The following LRRC28 variants were observed in gnomAD, a reference collection of about 807,000 sequenced individuals.
The protein encoded by LRRC28 is leucine rich repeat containing 28.
In LRRC28, 39 loss-of-function variants were observed where a neutral mutation model predicts 45.7. The ratio of observed to expected loss-of-function variants is 0.85; its 90% CI spans 0.66 to 1.12. LRRC28 has a LOEUF of 1.12. Ranked by LOEUF, LRRC28 falls within the 50% of genes most tolerant of loss-of-function variation. The pLI, the probability that LRRC28 is intolerant of heterozygous loss-of-function variation, is 0.00. For synonymous variants in LRRC28, 206 were observed against 178.8 expected, an observed-to-expected ratio of 1.15 and a Z score of -1.22; for missense variants, 435 against 438.5, an observed-to-expected ratio of 0.99 and a Z score of 0.07.
chr15:99,321,711 A>G (rs560223686), intron 5 of LRRC28, among the ~76,000 whole-genome samples: 60 of 152,270 alleles, frequency 3.9e-4, no homozygotes, highest in African/African-American at 1.4e-3. Flanking sequence ...TGAACAAGTG[A>G]GGTAGTTTAA....
In LRRC28 at chr15:99,387,144, T is replaced by C. The variant is rs989120099; in HGVS notation, c.*1042T>C. On this transcript the variant is annotated 3_prime_UTR_variant, in exon 10 of 10. Coordinates refer to ENST00000301981, the MANE Select transcript of LRRC28 (RefSeq NM_144598.5). ...GGCGGGATCTCGGCTCACTGCAAGC[T>C]CCGCCTCCCGGGTTCACGCCATTCT... is the stretch of plus-strand genomic sequence containing the variant. The C allele has an allele frequency of 4.0e-5, 6 of 150,394 alleles. No homozygotes were observed. Among genetic ancestry groups the C allele is most frequent in the East Asian group, 2.0e-4 (1 of 5,056 alleles). The allele number at this position is 150,394 out of a possible 1,614,324, so 9.3% of individuals were successfully genotyped here.
chr15:99,285,795 T>C, intron 3 of LRRC28: 1 of 467,744 alleles, frequency 2.1e-6, no homozygotes, highest in Non-Finnish European at 4.1e-6. Context: ...GCAAGTATTT[T>C]GTTGAAAAAA....
intron 5 of LRRC28, among the ~76,000 whole-genome samples, chr15:99,327,192 A>C (rs1156614701): frequency 6.6e-6 from 1 of 151,986 alleles, no homozygotes; most frequent in Non-Finnish European, 1.5e-5. Flanking sequence ...CTCCTGCCTT[A>C]GCCTCCTGAG....
chr15:99,375,158 A>G (rs73464685), intron 9 of LRRC28, among the ~76,000 whole-genome samples: 1 of 152,114 alleles, frequency 6.6e-6, no homozygotes, highest in Non-Finnish European at 1.5e-5. Context: ...TTTCCTCTCT[A>G]TGTAGTTTGC....
chr15:99,372,514 G>C (rs915270929), intron 9 of LRRC28, among the ~76,000 whole-genome samples: 11 of 152,036 alleles, frequency 7.2e-5, no homozygotes, highest in African/African-American at 2.2e-4. Flanking sequence ...CAGATTGGTT[G>C]GTGTACTTGT....
chr15:99,263,924 A>G (rs928207848), intron 2 of LRRC28, among the ~76,000 whole-genome samples: 5 of 152,090 alleles, frequency 3.3e-5, no homozygotes, highest in African/African-American at 1.2e-4. Context: ...ATGAACTAAG[A>G]CTCAATGGCA....
chr15:99,388,946 ATTG>A lies in LRRC28; in HGVS notation c.*2847_*2849del, dbSNP rs1958107668. 6.6e-6 allele frequency: 1 copy of A among 152,218 alleles called. No individual in the cohort carries two copies. Among genetic ancestry groups the A allele is most frequent in the African/African-American group, 2.4e-5 (1 of 41,458 alleles). 9.4% of individuals were successfully genotyped at this position (152,218 alleles called of 1,614,324 possible). On this transcript the variant is annotated 3_prime_UTR_variant, in exon 10 of 10. Transcript: ENST00000301981. ...CTATCAGTGTTCTTCAGTATGTCCA[ATTG>A]TTATCATACCAAAAACCTTAATTAC...
At position 99,260,598 on chromosome 15, in the gene LRRC28, C is replaced by T. The variant is rs186235807; in HGVS notation, c.168+4473C>T. Among the ~76,000 whole-genome samples the T allele has an allele frequency of 7.9e-4, 120 of 152,294 alleles. 1 individual carries two copies. Among genetic ancestry groups the T allele is most frequent in the Non-Finnish European group, 7.9e-4 (54 of 68,040 alleles). On this transcript the variant is annotated intron_variant, in intron 2 of 9. Coordinates refer to ENST00000301981, the MANE Select transcript of LRRC28 (RefSeq NM_144598.5). ...GCTGTCATCCAAAGCCCACCCATTG[C>T]CTGATTATATCAGATATATGACAGC...
At chr15:99,358,294 A>G (rs1957102226) in intron 7 of LRRC28, among the ~76,000 whole-genome samples, 1 of 152,228 alleles carries the variant, frequency 6.6e-6, no homozygotes. Context: ...ATTAAAGGAT[A>G]GGATATAAAG....
At chr15:99,259,020 TG>T in intron 2 of LRRC28, 1 of 802,708 alleles carries the variant, frequency 1.2e-6, no homozygotes, top group Non-Finnish European at 2.3e-6. Context: ...CATAAAACTC[TG>T]GACATGATCA....
intron 5 of LRRC28, among the ~76,000 whole-genome samples, chr15:99,293,580 C>T (rs1015204731): frequency 7.3e-5 from 3 of 40,948 alleles, no homozygotes; most frequent in East Asian, 5.9e-4. Context: ...GCAACAAGAA[C>T]GAAACTCTGT....
Position 99,287,799 on chromosome 15 carries a change from C to T in LRRC28, c.248-15C>T. ...TGAGTCAAATTCATTTTGCCTTCTCCTTTTCTCTTTGAAGCCATTGGGTCT... is the reference window on the plus strand; with the variant it reads ...TGAGTCAAATTCATTTTGCCTTCTCTTTTTCTCTTTGAAGCCATTGGGTCT... On this transcript the variant is annotated splice_polypyrimidine_tract_variant and intron_variant, in intron 4 of 9. Transcript: ENST00000301981. 1 of 1,586,506 alleles carries T rather than the reference C, an allele frequency of 6.3e-7. No individual in the cohort carries two copies. The highest frequency in any genetic ancestry group is 8.6e-7 in the Non-Finnish European group (1 of 1,166,126).
chr15:99,359,524 C>G (rs1157288878), intron 7 of LRRC28, among the ~76,000 whole-genome samples: 1 of 152,156 alleles, frequency 6.6e-6, no homozygotes, highest in Non-Finnish European at 1.5e-5. Context: ...ACATCCAGTT[C>G]TGATGATGGT....
At chr15:99,291,544 A>G (rs2082121814) in intron 5 of LRRC28, among the ~76,000 whole-genome samples, 1 of 152,188 alleles carries the variant, frequency 6.6e-6, no homozygotes, top group Non-Finnish European at 1.5e-5. Flanking sequence ...AAGAAATGTG[A>G]GGGCCTGTGA....
chr15:99,334,060 C>T lies in LRRC28; in HGVS notation c.523C>T (p.His175Tyr), dbSNP rs1956241749. 6.2e-7 allele frequency: 1 copy of T among 1,614,124 alleles called. No homozygotes were observed. Among genetic ancestry groups the T allele is most frequent in the Non-Finnish European group, 8.5e-7 (1 of 1,179,994 alleles). The change falls in exon 6 of 10, where the codon CAT (histidine) becomes TAT (tyrosine). Residue 175 changes from histidine (H) to tyrosine (Y), a missense_variant. Transcript: ENST00000301981. Reference protein sequence around the residue: ...DRNRLWYVPRHLCQLPSLNEL... With the variant: ...DRNRLWYVPRYLCQLPSLNEL... ...AAATCGTCTATGGTATGTGCCGCGC[C>T]ATCTCTGCCAGCTGCCCAGCCTCAA...
At chr15:99,346,008 G>T (rs922563658) in intron 6 of LRRC28, among the ~76,000 whole-genome samples, 1 of 151,906 alleles carries the variant, frequency 6.6e-6, no homozygotes, top group Non-Finnish European at 1.5e-5. Flanking sequence ...TTTTAGCAGG[G>T]TCTCGCTCTG....
chr15:99,358,725 A>G (rs1341545113), intron 7 of LRRC28, among the ~76,000 whole-genome samples: 2 of 152,092 alleles, frequency 1.3e-5, no homozygotes, highest in African/African-American at 4.8e-5. Context: ...TCCATTTGGA[A>G]AAAAAAAGCT....
intron 8 of LRRC28, among the ~76,000 whole-genome samples, chr15:99,362,700 C>A (rs887105611): frequency 6.6e-6 from 1 of 152,108 alleles, no homozygotes; most frequent in Non-Finnish European, 1.5e-5. Flanking sequence ...ATACTAAATG[C>A]CTGATAGATT....
chr15:99,379,938 G>A (rs1043594952), intron 9 of LRRC28, among the ~76,000 whole-genome samples: 1 of 152,172 alleles, frequency 6.6e-6, no homozygotes, highest in Admixed American at 6.5e-5. Flanking sequence ...TTTTACATTT[G>A]CTGAGGAATG....
Sources: allele counts gnomAD v4.1 joint callset (sites outside exome capture counted in the v4.1 genomes callset), GRCh38; gene constraint gnomAD v4.1.1; transcripts MANE v1.5; gene names NCBI Gene and HGNC (gene_info 2026-07-23, HGNC 2026-07-21).